Variants in DNM3 observed in about 807,000 individuals in gnomAD.
DNM3 encodes the protein dynamin-3.
Under a neutral mutation model 101.6 loss-of-function variants are expected in DNM3, and 47 were observed. That is an observed-to-expected ratio of 0.46 (90% confidence interval 0.37 to 0.59). The LOEUF is 0.59. DNM3 is among the 20% of genes least tolerant of loss of function. The probability of loss-of-function intolerance (pLI) is 0.00; values close to 1 mark genes in which losing one functional copy is unlikely to be tolerated. For synonymous variants in DNM3, 385 were observed against 387.9 expected, an observed-to-expected ratio of 0.99 and a Z score of 0.09; for missense variants, 849 against 1,085.7, an observed-to-expected ratio of 0.78 and a Z score of 3.06.
chr1:171,883,052 T>G (rs1441011155), intron 1 of DNM3, among the ~76,000 whole-genome samples: 1 of 151,906 alleles, frequency 6.6e-6, no homozygotes, highest in Non-Finnish European at 1.5e-5. Flanking sequence ...TTATTCTGTA[T>G]GTTCAATTTT....
In DNM3 at chr1:171,945,650, C is replaced by CT. The variant is rs1211024095; in HGVS notation, c.235+23837dup. 3.3e-5 allele frequency among the ~76,000 whole-genome samples: 5 copies of CT among 151,658 alleles called. 1 individual carries two copies. The highest frequency in any genetic ancestry group is 2.0e-4 in the Admixed American group (3 of 15,220). ...AGTTGGTAGTCTAAGAGGTTTTTTCCTTTTTTTTGGTTTGAAAATTACTGA... is the reference window on the plus strand; with the variant it reads ...AGTTGGTAGTCTAAGAGGTTTTTTCCTTTTTTTTTGGTTTGAAAATTACTGA... On this transcript the variant is annotated intron_variant, in intron 2 of 20. Coordinates refer to ENST00000627582, the MANE Select transcript of DNM3 (RefSeq NM_015569.5).
At chr1:172,226,462 C>G (rs1360329951) in intron 14 of DNM3, among the ~76,000 whole-genome samples, 4 of 152,132 alleles carry the variant, frequency 2.6e-5, no homozygotes, top group East Asian at 1.9e-4. Context: ...TAGCTCTTTT[C>G]TTTTTTGGAC....
At position 171,960,772 on chromosome 1, in the gene DNM3, C is replaced by T. The variant is rs114140712; in HGVS notation, c.236-26884C>T. Among the ~76,000 whole-genome samples the T allele has an allele frequency of 6.5e-3, 993 of 152,170 alleles. 16 individuals are homozygous for T. Among genetic ancestry groups the T allele is most frequent in the African/African-American group, 0.022 (902 of 41,516 alleles). On this transcript the variant is annotated intron_variant, in intron 2 of 20. Transcript: ENST00000627582. ...GCTCAGGGGCCCAGGCAGAGTTCAT[C>T]GGTTTTAAAATGAAAACAGTGTACT...
At chr1:172,224,460 A>G (rs1345196719) in intron 14 of DNM3, among the ~76,000 whole-genome samples, 2 of 152,084 alleles carry the variant, frequency 1.3e-5, no homozygotes, top group Admixed American at 1.3e-4. Context: ...TTACCACCAG[A>G]GAGGAAGAAA....
At chr1:172,060,785 G>C (rs2051115157) in intron 10 of DNM3, among the ~76,000 whole-genome samples, 1 of 61,390 alleles carries the variant, frequency 1.6e-5, no homozygotes, top group Non-Finnish European at 2.9e-5. Context: ...ACATAGGCAT[G>C]GGCAAGGACT....
chr1:172,376,866 C>G (rs1318097350), intron 17 of DNM3, among the ~76,000 whole-genome samples: 5 of 151,884 alleles, frequency 3.3e-5, no homozygotes, highest in African/African-American at 1.2e-4. Context: ...ACTTTGTTTT[C>G]TAATTGCATC....
intron 13 of DNM3, among the ~76,000 whole-genome samples, chr1:172,108,380 G>A (rs537480129): frequency 6.6e-6 from 1 of 151,976 alleles, no homozygotes; most frequent in South Asian, 2.1e-4. Flanking sequence ...GGAGTAATTT[G>A]CATGGTACAG....
intron 14 of DNM3, among the ~76,000 whole-genome samples, chr1:172,149,862 G>T (rs1405579317): frequency 6.6e-6 from 1 of 151,982 alleles, no homozygotes; most frequent in Non-Finnish European, 1.5e-5. Context: ...CCCTTTCTGT[G>T]GATGGGGATA....
intron 4 of DNM3, among the ~76,000 whole-genome samples, chr1:172,001,938 G>A (rs2046382935): frequency 6.6e-6 from 1 of 152,026 alleles, no homozygotes; most frequent in African/African-American, 2.4e-5. Flanking sequence ...CTGCTGTCTG[G>A]TCATAGAGAT....
intron 16 of DNM3, among the ~76,000 whole-genome samples, chr1:172,312,651 C>G (rs147293208): frequency 3.6e-4 from 55 of 152,226 alleles, no homozygotes; most frequent in African/African-American, 9.9e-4. Flanking sequence ...TTCTTTCCTT[C>G]CCTTCCATCC....
At chr1:171,842,328 C>T (rs2031376154) in intron 1 of DNM3, among the ~76,000 whole-genome samples, 1 of 152,082 alleles carries the variant, frequency 6.6e-6, no homozygotes. Context: ...TCCTTCTCGC[C>T]AGGGTTCTCG....
At chr1:171,867,656 T>G (rs941479589) in intron 1 of DNM3, among the ~76,000 whole-genome samples, 2 of 152,260 alleles carry the variant, frequency 1.3e-5, no homozygotes, top group Admixed American at 6.5e-5. Context: ...CTTTGTGGAA[T>G]AATGTTTTCA....
intron 12 of DNM3, among the ~76,000 whole-genome samples, chr1:172,086,166 A>T (rs2053516824): frequency 6.6e-6 from 1 of 152,162 alleles, no homozygotes; most frequent in African/African-American, 2.4e-5. Flanking sequence ...CTTCATCCTT[A>T]ACATGAATCT....
rs2057011472 is a variant in DNM3, at chr1:172,132,823, A to C, written c.1659+1535A>C. 8.3e-6 allele frequency: 6 copies of C among 724,818 alleles called. No homozygotes were observed. The Admixed American group carries it at 1.2e-4, about 15-fold the overall frequency. 44.9% of individuals were successfully genotyped at this position (724,818 alleles called of 1,614,324 possible). A position where few individuals can be genotyped will look rare whatever the true frequency, so the allele number is the denominator to read the frequency against. ...TACTATCCCTATTGTTGATGAGAAA[A>C]CTAAAAATAAAACAAAACCTTTTTT... On this transcript the variant is annotated intron_variant, in intron 14 of 20. Coordinates refer to ENST00000627582, the MANE Select transcript of DNM3 (RefSeq NM_015569.5).
chr1:172,095,811 C>T (rs934876744), intron 13 of DNM3, among the ~76,000 whole-genome samples: 23 of 152,110 alleles, frequency 1.5e-4, no homozygotes, highest in Admixed American at 2.0e-4. Context: ...TTTATGTCTG[C>T]CTAGAAATTG....
chr1:171,970,226 A>G, intron 2 of DNM3: 2 of 554,830 alleles, frequency 3.6e-6, no homozygotes, highest in African/African-American at 2.0e-5. Context: ...CAAACTCAGA[A>G]CTACTGAAGA....
chr1:172,418,392 T>C (rs2071505197), exon 21 of DNM3: 2 of 1,178,518 alleles, frequency 1.7e-6, no homozygotes, highest in African/African-American at 3.2e-5. Context: ...ATTTGCACTA[T>C]ATGTCGTATG....
chr1:172,099,079 G>A (rs1271655767), intron 13 of DNM3, among the ~76,000 whole-genome samples: 1 of 152,168 alleles, frequency 6.6e-6, no homozygotes, highest in African/African-American at 2.4e-5. Context: ...TTTTTCTAGG[G>A]AGGCAGCATG....
intron 15 of DNM3, among the ~76,000 whole-genome samples, chr1:172,264,984 T>A (rs892770962): frequency 3.3e-5 from 5 of 152,172 alleles, no homozygotes; most frequent in Non-Finnish European, 7.4e-5. Context: ...ATTTTTAACT[T>A]ATTGTGTAGG....
Sources: gnomAD v4.1 joint callset for allele counts (sites outside exome capture counted in the v4.1 genomes callset) on GRCh38, gnomAD v4.1.1 for gene constraint, MANE v1.5 for transcripts, NCBI Gene and HGNC (gene_info 2026-07-23, HGNC 2026-07-21) for gene names.